The following HMGCLL1 variants were observed in gnomAD, a reference collection of about 807,000 sequenced individuals.
HMGCLL1 encodes the protein 3-hydroxymethyl-3-methylglutaryl-CoA lyase, cytoplasmic.
A neutral mutation model predicts 39.1 loss-of-function variants in HMGCLL1; 36 were observed. The observed-to-expected ratio is 0.92, with a 90% CI of 0.71 to 1.22. HMGCLL1 has a LOEUF of 1.22. Among genes scored for constraint, HMGCLL1 ranks in the 50% most tolerant of loss-of-function variants. The pLI, the probability that HMGCLL1 is intolerant of heterozygous loss-of-function variation, is 0.00. For synonymous variants in HMGCLL1, 149 were observed against 144.0 expected (o/e 1.03, Z -0.25); for missense variants, 451 against 416.5 (o/e 1.08, Z -0.72).
In HMGCLL1 at chr6:55,552,200, C is replaced by T. The variant is rs550411803; in HGVS notation, c.109-10060G>A. Reference sequence around the variant, plus strand: ...GAATCTAAAGTCTCAAATAGACAACCCCGTAGTGATCTATCTCTGTAGGGC... The same window carrying T: ...GAATCTAAAGTCTCAAATAGACAACTCCGTAGTGATCTATCTCTGTAGGGC... On this transcript the variant is annotated intron_variant, in intron 1 of 8. Coordinates refer to ENST00000274901, the MANE Select transcript of HMGCLL1 (RefSeq NM_001042406.2). Among the ~76,000 whole-genome samples, 3 of 151,998 alleles carry T rather than the reference C, an allele frequency of 2.0e-5. No homozygotes were observed. The South Asian group carries it at 6.2e-4, about 32-fold the overall frequency.
chr6:55,544,407 G>C (rs1470214804), intron 1 of HMGCLL1, among the ~76,000 whole-genome samples: 1 of 152,116 alleles, frequency 6.6e-6, no homozygotes, highest in Admixed American at 6.6e-5. Flanking sequence ...CCTCTGAGCC[G>C]AGTTAAGTTT....
intron 7 of HMGCLL1, among the ~76,000 whole-genome samples, chr6:55,442,299 A>T (rs1188556371): frequency 6.6e-6 from 1 of 152,092 alleles, no homozygotes; most frequent in Non-Finnish European, 1.5e-5. Context: ...AAATTTGTCC[A>T]TTCTCATTTA....
At chr6:55,446,863 A>G (rs542543905) in intron 7 of HMGCLL1, among the ~76,000 whole-genome samples, 4 of 152,104 alleles carry the variant, frequency 2.6e-5, no homozygotes, top group African/African-American at 7.2e-5. Flanking sequence ...GTCCCAAAAA[A>G]CAATTAGATC....
At chr6:55,648,894 C>A in the HMGCLL1 span, among the ~76,000 whole-genome samples, 1 of 140,506 alleles carries the variant, frequency 7.1e-6, no homozygotes, top group Admixed American at 7.3e-5. Context: ...GATACCAAAG[C>A]CGGGCAGAGA....
chr6:55,578,434 C>A (rs891243417), intron 1 of HMGCLL1, among the ~76,000 whole-genome samples: 1 of 152,144 alleles, frequency 6.6e-6, no homozygotes, highest in African/African-American at 2.4e-5. Context: ...TTTACACTTT[C>A]TTTCAAGTTT....
chr6:55,565,448 A>G (rs140744765), intron 1 of HMGCLL1, among the ~76,000 whole-genome samples: 10 of 152,082 alleles, frequency 6.6e-5, no homozygotes, highest in African/African-American at 1.9e-4. Context: ...AGTATTTTGT[A>G]TATTGTGTAT....
At chr6:55,670,275 GAAAT>G in the HMGCLL1 span, among the ~76,000 whole-genome samples, 3 of 151,642 alleles carry the variant, frequency 2.0e-5, no homozygotes, top group African/African-American at 7.3e-5. Context: ...TAATGAAAGA[GAAAT>G]AAAGATATTC....
intron 7 of HMGCLL1, among the ~76,000 whole-genome samples, chr6:55,479,319 A>G (rs1765611286): frequency 6.6e-6 from 1 of 151,578 alleles, no homozygotes; most frequent in African/African-American, 2.4e-5. Flanking sequence ...CACTTTAGAC[A>G]CATATAAACT....
At chr6:55,519,765 T>G (rs1436987369) in intron 3 of HMGCLL1, among the ~76,000 whole-genome samples, 2 of 152,050 alleles carry the variant, frequency 1.3e-5, no homozygotes, top group East Asian at 1.9e-4. Context: ...TAACAAAAGT[T>G]AATAAAGATC....
chr6:55,587,658 C>A, the HMGCLL1 span, among the ~76,000 whole-genome samples: 1 of 151,974 alleles, frequency 6.6e-6, no homozygotes, highest in African/African-American at 2.4e-5. Flanking sequence ...TCAGGAAACC[C>A]ATCTCACGTG....
chr6:55,511,136 T>C (rs980290625), intron 5 of HMGCLL1, among the ~76,000 whole-genome samples: 1 of 152,114 alleles, frequency 6.6e-6, no homozygotes, highest in Non-Finnish European at 1.5e-5. Flanking sequence ...GTCATTGGCT[T>C]TTATTTTTCT....
chr6:55,512,122 A>G (rs1767495575), intron 5 of HMGCLL1: 1 of 152,058 alleles, frequency 6.6e-6, no homozygotes, highest in African/African-American at 2.4e-5. Context: ...TAACTATTCC[A>G]TTTTACAACA....
At chr6:55,629,932 C>G in the HMGCLL1 span, among the ~76,000 whole-genome samples, 1 of 152,140 alleles carries the variant, frequency 6.6e-6, no homozygotes, top group East Asian at 1.9e-4. Context: ...AGGAGTGGGG[C>G]TCTCATGGAG....
chr6:55,579,412 C>T (rs1282542948), upstream of HMGCLL1, among the ~76,000 whole-genome samples: 1 of 152,150 alleles, frequency 6.6e-6, no homozygotes, highest in Non-Finnish European at 1.5e-5. Context: ...CTACTTCTCA[C>T]CTGGCATAGA....
chr6:55,663,557 A>G, the HMGCLL1 span, among the ~76,000 whole-genome samples: 2 of 151,384 alleles, frequency 1.3e-5, no homozygotes, highest in Non-Finnish European at 3.0e-5. Context: ...GTACAATTAC[A>G]GTTCTTTTGC....
At chr6:55,628,867 C>G in the HMGCLL1 span, among the ~76,000 whole-genome samples, 3 of 152,118 alleles carry the variant, frequency 2.0e-5, no homozygotes, top group Non-Finnish European at 4.4e-5. Context: ...TGACTTGTTC[C>G]TCTTTGTCTT....
the HMGCLL1 span, among the ~76,000 whole-genome samples, chr6:55,634,860 G>A: frequency 1.4e-4 from 21 of 152,024 alleles, no homozygotes. Flanking sequence ...CTTAATGTGA[G>A]GATGGAAAAT....
the HMGCLL1 span, among the ~76,000 whole-genome samples, chr6:55,665,939 G>T: frequency 1.3e-5 from 2 of 151,624 alleles, no homozygotes; most frequent in Admixed American, 6.6e-5. Context: ...TAAATTATTA[G>T]TTATACAACT....
intron 7 of HMGCLL1, among the ~76,000 whole-genome samples, chr6:55,477,255 AT>A (rs1765402975): frequency 4.8e-5 from 1 of 20,898 alleles, no homozygotes; most frequent in African/African-American, 4.0e-4. Context: ...ATAATATATA[AT>A]ATATATTATA....
Sources: allele counts gnomAD v4.1 joint callset (sites outside exome capture counted in the v4.1 genomes callset), GRCh38; gene constraint gnomAD v4.1.1; transcripts MANE v1.5; gene names NCBI Gene and HGNC (gene_info 2026-07-23, HGNC 2026-07-21).